HBP1: variants seen among roughly 807,000 people sequenced by gnomAD.
HBP1 encodes HMG-box transcription factor 1.
A neutral mutation model predicts 62.6 loss-of-function variants in HBP1; 20 were observed. The observed-to-expected ratio is 0.32, with a 90% CI of 0.22 to 0.46. HBP1 has a LOEUF of 0.46. Among genes scored for constraint, HBP1 ranks in the 20% least tolerant of loss-of-function variants. The pLI is 1.00. For missense variants in HBP1, 480 were observed against 611.8 expected (o/e 0.78, Z 2.27); for synonymous variants, 232 against 206.2 (o/e 1.12, Z -1.07).
intron 8 of HBP1, 56 bp from the exon 9 acceptor site, chr7:107,195,778 G>T: frequency 6.4e-5 from 48 of 746,360 alleles, no homozygotes; most frequent in Non-Finnish European, 8.1e-5. Flanking sequence ...CTGCTTTTTA[G>T]AAATCAGAGA....
At chr7:107,174,774 A>G (rs1401999729) in intron 1 of HBP1, 57 of 892,778 alleles carry the variant, frequency 6.4e-5, no homozygotes, top group Non-Finnish European at 7.6e-5. Flanking sequence ...TTCAGTTCAG[A>G]TAAGGTTGAC....
intron 1 of HBP1, among the ~76,000 whole-genome samples, chr7:107,171,065 A>ATTTT (rs1361609045): frequency 6.0e-5 from 4 of 66,804 alleles, no homozygotes; most frequent in African/African-American, 1.4e-4. Flanking sequence ...ATATATATAT[A>ATTTT]TATATATATT....
chr7:107,196,383 C>A, intron 9 of HBP1: 1 of 492,528 alleles, frequency 2.0e-6, no homozygotes, highest in Non-Finnish European at 3.8e-6. Context: ...ATTATCCTGC[C>A]TCAGCCTCTC....
At chr7:107,175,176 G>A (rs757533301) in intron 1 of HBP1, among the ~76,000 whole-genome samples, 8 of 151,716 alleles carry the variant, frequency 5.3e-5, no homozygotes, top group African/African-American at 9.7e-5. Flanking sequence ...CTGTTTTAAA[G>A]TATAGTTCTG....
rs370091447 is a variant in HBP1, at chr7:107,173,341, T to C, written c.-16+4156T>C. On this transcript the variant is annotated intron_variant, in intron 1 of 10. Transcript: ENST00000222574. ...GGATTAGGGGAGAGCATATAGAAGATCCTGCTGTGGATTCCATGATGATGA... is the reference window on the plus strand; with the variant it reads ...GGATTAGGGGAGAGCATATAGAAGACCCTGCTGTGGATTCCATGATGATGA... 7.9e-5 allele frequency: 12 copies of C among 152,336 alleles called. 1 individual carries two copies. The East Asian group carries it at 1.2e-3, about 15-fold the overall frequency. The allele number at this position is 152,336 out of a possible 1,614,324, so 9.4% of individuals were successfully genotyped here.
At chr7:107,186,147 C>CTTTTTTTTT (rs961142033) in intron 4 of HBP1, among the ~76,000 whole-genome samples, 1 of 135,114 alleles carries the variant, frequency 7.4e-6, no homozygotes, top group African/African-American at 2.8e-5. Flanking sequence ...TTGTGTGTGT[C>CTTTTTTTTT]TTTTTTTTCT....
chr7:107,197,764 T>C (rs1584505449), intron 9 of HBP1, among the ~76,000 whole-genome samples: 1 of 152,256 alleles, frequency 6.6e-6, no homozygotes, highest in Admixed American at 6.5e-5. Flanking sequence ...TTGTAATCCA[T>C]TTCTTCAGTA....
At chr7:107,188,297 G>A (rs2115916624) in intron 6 of HBP1, among the ~76,000 whole-genome samples, 1 of 151,998 alleles carries the variant, frequency 6.6e-6, no homozygotes, top group South Asian at 2.1e-4. Context: ...CCTCTTCTTG[G>A]CTTACTTTCC....
chr7:107,170,640 T>G (rs781739179), intron 1 of HBP1, among the ~76,000 whole-genome samples: 1 of 152,190 alleles, frequency 6.6e-6, no homozygotes, highest in Non-Finnish European at 1.5e-5. Flanking sequence ...AAGCAAAATA[T>G]TGTTTGTGCT....
rs568334912 is a variant in HBP1, at chr7:107,169,184, A to G, written c.-17A>G. On this transcript the variant is annotated splice_region_variant and 5_prime_UTR_variant, in exon 1 of 11. Transcript: ENST00000222574. ...GCCTGGGCTGCCGGCACTTCGCGGC[A>G]GGTTTGTTGTCTTTCAGTTAGGGAA... 1 of 449,836 alleles carries G rather than the reference A, an allele frequency of 2.2e-6. No homozygotes were observed. The highest frequency in any genetic ancestry group is 3.2e-5 in the African/African-American group (1 of 30,904). The allele number at this position is 449,836 out of a possible 1,614,324, so 27.9% of individuals were successfully genotyped here. A position where few individuals can be genotyped will look rare whatever the true frequency, so the allele number is the denominator to read the frequency against.
At chr7:107,172,593 G>A (rs1008224720) in intron 1 of HBP1, among the ~76,000 whole-genome samples, 4 of 152,086 alleles carry the variant, frequency 2.6e-5, no homozygotes, top group African/African-American at 9.7e-5. Context: ...TGCTATTAAT[G>A]GGTTTTCTAT....
chr7:107,198,398 TGGGGTTTC>T, intron 9 of HBP1, among the ~76,000 whole-genome samples: 1 of 152,070 alleles, frequency 6.6e-6, no homozygotes, highest in East Asian at 1.9e-4. Context: ...TTAGTAGAGA[TGGGGTTTC>T]ACCTTGTTGG....
intron 6 of HBP1, among the ~76,000 whole-genome samples, chr7:107,187,265 A>C (rs1210679550): frequency 6.6e-6 from 1 of 151,850 alleles, no homozygotes. Flanking sequence ...AAATATATAT[A>C]TATTTATATG....
chr7:107,175,353 A>G (rs1232745316), intron 1 of HBP1, among the ~76,000 whole-genome samples: 1 of 152,188 alleles, frequency 6.6e-6, no homozygotes, highest in Non-Finnish European at 1.5e-5. Flanking sequence ...CCTGTGAGGT[A>G]GGTACTTTTA....
chr7:107,169,928 T>C, intron 1 of HBP1: 1 of 985,444 alleles, frequency 1.0e-6, no homozygotes, highest in Non-Finnish European at 1.2e-6. Flanking sequence ...GATTCCAGTC[T>C]CCGCCTTTCA....
At chr7:107,182,013 A>G (rs572178299) in intron 2 of HBP1, among the ~76,000 whole-genome samples, 64 of 152,310 alleles carry the variant, frequency 4.2e-4, no homozygotes, top group African/African-American at 1.5e-3. Context: ...TATGTGATCT[A>G]TATTATCATT....
At chr7:107,187,351 A>C (rs10953530) in intron 6 of HBP1, among the ~76,000 whole-genome samples, 25,059 of 152,184 alleles carry the variant, frequency 0.16, 2,389 homozygotes, top group Non-Finnish European at 0.21. Flanking sequence ...AGATTATTGA[A>C]AGCCAATTAT....
rs1329037509 is a variant in HBP1 at position 107,169,987 on chromosome 7, G to A, written c.-16+802G>A. On this transcript the variant is annotated intron_variant, in intron 1 of 10. Transcript: ENST00000222574. ...ATTGAAACAAAACAAAACAAACCAG[G>A]CGAAGTGGACAGCCAGGTTTTTGTA... 13 of 985,348 alleles carry A rather than the reference G, an allele frequency of 1.3e-5. No homozygotes were observed. In the East Asian group the frequency reaches 4.5e-4, roughly 34 times the overall value. The allele number at this position is 985,348 out of a possible 1,614,324, so 61.0% of individuals were successfully genotyped here.
chr7:107,188,829 A>C (rs1252981314), intron 6 of HBP1, among the ~76,000 whole-genome samples: 2 of 152,186 alleles, frequency 1.3e-5, no homozygotes, highest in Admixed American at 6.5e-5. Flanking sequence ...AAAAATTGTC[A>C]GTACTTTGCC....
Sources: gnomAD v4.1 joint callset for allele counts (sites outside exome capture counted in the v4.1 genomes callset) on GRCh38, gnomAD v4.1.1 for gene constraint, MANE v1.5 for transcripts, NCBI Gene and HGNC (gene_info 2026-07-23, HGNC 2026-07-21) for gene names.